Variants in ABCA12 observed in about 807,000 individuals in gnomAD.
ABCA12 encodes the protein ATP binding cassette subfamily A member 12.
Under a neutral mutation model 293.5 loss-of-function variants are expected in ABCA12, and 156 were observed. The ratio of observed to expected loss-of-function variants is 0.53; its 90% CI spans 0.47 to 0.61. ABCA12 has a LOEUF of 0.61. Ranked by LOEUF, ABCA12 falls within the 20% of genes least tolerant of loss-of-function variation. The pLI is 0.00. For synonymous variants in ABCA12, 1,063 were observed against 1,108.0 expected (o/e 0.96, Z 0.81); for missense variants, 2,797 against 3,090.2 (o/e 0.91, Z 2.25).
rs758308753 is a variant in ABCA12 at position 215,045,826 on chromosome 2, C to G, written c.872+11G>C. The G allele has an allele frequency of 1.5e-5, 24 of 1,610,808 alleles. No individual in the cohort carries two copies. Among genetic ancestry groups the G allele is most frequent in the Middle Eastern group, 3.3e-4 (2 of 6,068 alleles). On this transcript the variant is annotated intron_variant, in intron 7 of 52. Coordinates refer to ENST00000272895, the MANE Select transcript of ABCA12 (RefSeq NM_173076.3). ...ACACTAATATTACATTTAATTCTTA[C>G]ATTTTCTTACCTGTTTGCCTTTCGA...
intron 20 of ABCA12, among the ~76,000 whole-genome samples, chr2:215,003,307 T>G (rs956103011): frequency 3.3e-5 from 5 of 152,180 alleles, no homozygotes; most frequent in Non-Finnish European, 5.9e-5. Flanking sequence ...GCAGAGGGAA[T>G]GCATAAGTTT....
chr2:214,968,408 C>A (rs1574949896), intron 38 of ABCA12, among the ~76,000 whole-genome samples: 1 of 152,150 alleles, frequency 6.6e-6, no homozygotes, highest in Middle Eastern at 3.4e-3. Context: ...TCTTTCATTT[C>A]CATTGCTGAA....
At chr2:214,977,565 T>C (rs1159329332) in intron 33 of ABCA12, among the ~76,000 whole-genome samples, 1 of 152,222 alleles carries the variant, frequency 6.6e-6, no homozygotes, top group Non-Finnish European at 1.5e-5. Flanking sequence ...CATTTTACTC[T>C]ATGCTTCCTT....
At chr2:215,044,094 A>G (rs562320691) in intron 7 of ABCA12, among the ~76,000 whole-genome samples, 1 of 152,076 alleles carries the variant, frequency 6.6e-6, no homozygotes, top group Non-Finnish European at 1.5e-5. Flanking sequence ...ACCTGGCTCC[A>G]CTTTTAGCTA....
intron 2 of ABCA12, among the ~76,000 whole-genome samples, chr2:215,079,204 T>C: frequency 6.6e-6 from 1 of 152,198 alleles, no homozygotes; most frequent in Non-Finnish European, 1.5e-5. Flanking sequence ...CCTGGTTCAA[T>C]ATATAGAAAA....
At chr2:215,123,291 C>T (rs1440228259) in intron 1 of ABCA12, among the ~76,000 whole-genome samples, 2 of 152,136 alleles carry the variant, frequency 1.3e-5, no homozygotes, top group Non-Finnish European at 2.9e-5. Flanking sequence ...ACTGCCTCAG[C>T]CTCCCAAGTA....
At chr2:215,034,070 A>C (rs1356123958) in intron 8 of ABCA12, among the ~76,000 whole-genome samples, 2 of 152,226 alleles carry the variant, frequency 1.3e-5, no homozygotes, top group Non-Finnish European at 2.9e-5. Context: ...TTTCTATCCT[A>C]AATTACATCC....
Position 215,019,344 on chromosome 2 carries a change from T to C in ABCA12, c.1649A>G (p.Glu550Gly), listed in dbSNP as rs16853149. The change falls in exon 13 of 53, where the codon GAA becomes GGA. Residue 550 changes from glutamate (E) to glycine (G), a missense_variant. Around this residue, in one of 3 missense-constraint regions of ABCA12, gnomAD observed 656 missense variants for 638.2 expected, o/e 1.03. Coordinates refer to ENST00000272895, the MANE Select transcript of ABCA12 (RefSeq NM_173076.3). ...TGTGGATGGGGAAACACCTGGCTTT[T>C]CAGAAGCATCTGCACTGTTATTGAC... Reference protein sequence around the residue: ...LHVNNSADASEKPGQLLEMFK... With the variant: ...LHVNNSADASGKPGQLLEMFK... The C allele has an allele frequency of 7.4e-3, 11,978 of 1,610,886 alleles. 715 individuals carry two copies. The African/African-American group carries it at 0.14, about 18-fold the overall frequency.
intron 2 of ABCA12, among the ~76,000 whole-genome samples, chr2:215,079,466 G>T (rs899200974): frequency 1.3e-5 from 2 of 152,172 alleles, no homozygotes; most frequent in Non-Finnish European, 2.9e-5. Context: ...ATGAAACGTG[G>T]AAGATATCTG....
At chr2:215,134,375 T>TATATATGTAC (rs1703140524) in intron 1 of ABCA12, among the ~76,000 whole-genome samples, 1 of 138,234 alleles carries the variant, frequency 7.2e-6, no homozygotes, top group African/African-American at 2.8e-5. Context: ...TGTATATATG[T>TATATATGTAC]ATATATGTAC....
At chr2:215,038,940 T>C (rs920565740) in intron 7 of ABCA12, 3 of 152,334 alleles carry the variant, frequency 2.0e-5, no homozygotes, top group Middle Eastern at 3.4e-3. Flanking sequence ...TTTTACTTCA[T>C]AGATTATTTT....
intron 39 of ABCA12, chr2:214,960,698 T>C (rs1699087911): frequency 6.6e-6 from 1 of 152,142 alleles, no homozygotes; most frequent in African/African-American, 2.4e-5. Context: ...TCTACAGTTA[T>C]AAACCTTAAT....
intron 20 of ABCA12, among the ~76,000 whole-genome samples, chr2:215,002,770 T>C (rs1700171484): frequency 6.6e-6 from 1 of 152,194 alleles, no homozygotes; most frequent in Non-Finnish European, 1.5e-5. Flanking sequence ...GACAGGATCA[T>C]AAAAACACTT....
Position 214,989,268 on chromosome 2 carries a change from T to C in ABCA12, c.3829+61A>G. The C allele has an allele frequency of 2.6e-6, 4 of 1,531,852 alleles. No individual in the cohort carries two copies. The South Asian group carries it at 4.8e-5, about 19-fold the overall frequency. 94.9% of individuals were successfully genotyped at this position (1,531,852 alleles called of 1,614,324 possible). On this transcript the variant is annotated intron_variant, in intron 26 of 52. Coordinates refer to ENST00000272895, the MANE Select transcript of ABCA12 (RefSeq NM_173076.3). Reference sequence around the variant, plus strand: ...CAAATAAAATATTAGAACATATTATTAGTTGATTTATATTGAAGTCAACCA... The same window carrying C: ...CAAATAAAATATTAGAACATATTATCAGTTGATTTATATTGAAGTCAACCA...
At chr2:214,941,639 T>A (rs976502877) in intron 50 of ABCA12, among the ~76,000 whole-genome samples, 1 of 152,188 alleles carries the variant, frequency 6.6e-6, no homozygotes, top group Non-Finnish European at 1.5e-5. Context: ...GCTCCTGTAT[T>A]GGGTGCATAT....
rs1481722769 is a variant in ABCA12 at position 215,109,048 on chromosome 2, C to T, written c.163+2549G>A. Among the ~76,000 whole-genome samples the T allele has an allele frequency of 2.0e-5, 3 of 151,124 alleles. No homozygotes were observed. The East Asian group carries it at 5.8e-4, about 29-fold the overall frequency. ...CACCACTGTACTCTAGCCTGGGCGACAGAGCAAGACTGTCTCAAAAAAAAA... is the reference window on the plus strand; with the variant it reads ...CACCACTGTACTCTAGCCTGGGCGATAGAGCAAGACTGTCTCAAAAAAAAA... On this transcript the variant is annotated intron_variant, in intron 2 of 52. Transcript: ENST00000272895.
chr2:215,130,713 C>T (rs2105916933), intron 1 of ABCA12, among the ~76,000 whole-genome samples: 1 of 152,076 alleles, frequency 6.6e-6, no homozygotes, highest in Admixed American at 6.5e-5. Flanking sequence ...TCCTCTTTTC[C>T]AATTTGGATG....
At chr2:215,053,247 C>T (rs954108386) in intron 4 of ABCA12, among the ~76,000 whole-genome samples, 2 of 152,024 alleles carry the variant, frequency 1.3e-5, no homozygotes, top group African/African-American at 4.8e-5. Flanking sequence ...CTATCTATAA[C>T]ATGGATGTTC....
intron 2 of ABCA12, among the ~76,000 whole-genome samples, chr2:215,066,056 C>G (rs1213343080): frequency 6.6e-6 from 1 of 152,072 alleles, no homozygotes; most frequent in African/African-American, 2.4e-5. Context: ...GTATGCAATT[C>G]CCTGAATAAA....
Sources: gnomAD v4.1 joint callset for allele counts (sites outside exome capture counted in the v4.1 genomes callset) on GRCh38, gnomAD v4.1.1 for gene constraint, gnomAD v4.1.1 regional missense constraint, MANE v1.5 for transcripts, NCBI Gene and HGNC (gene_info 2026-07-23, HGNC 2026-07-21) for gene names.